FGFR1: variants seen among roughly 807,000 people sequenced by gnomAD.
FGFR1 encodes the protein FGFR1/PLAG1 fusion.
FGFR1 carries 18 observed loss-of-function variants against 93.7 expected under a neutral mutation model. That is an observed-to-expected ratio of 0.19 (90% confidence interval 0.13 to 0.28). The LOEUF is 0.28. Among genes scored for constraint, FGFR1 ranks in the 10% least tolerant of loss-of-function variants. The probability of loss-of-function intolerance (pLI) is 1.00; values close to 1 mark genes in which losing one functional copy is unlikely to be tolerated. For synonymous variants in FGFR1, 448 were observed against 429.3 expected, an observed-to-expected ratio of 1.04 and a Z score of -0.54; for missense variants, 731 against 1,080.4, an observed-to-expected ratio of 0.68 and a Z score of 4.53.
intron 2 of FGFR1, among the ~76,000 whole-genome samples, chr8:38,454,863 C>T (rs536340643): frequency 6.6e-6 from 1 of 152,156 alleles, no homozygotes; most frequent in East Asian, 1.9e-4. Context: ...TCCCAGCCAT[C>T]CACACTGAGC....
At chr8:38,416,621 A>G (rs1297500191) in intron 12 of FGFR1, among the ~76,000 whole-genome samples, 1 of 151,624 alleles carries the variant, frequency 6.6e-6, no homozygotes, top group Non-Finnish European at 1.5e-5. Flanking sequence ...ACGCCCGGCT[A>G]CTTTTTGTAT....
chr8:38,466,627 T>A (rs924194804), intron 1 of FGFR1: 1 of 227,964 alleles, frequency 4.4e-6, no homozygotes, highest in Admixed American at 5.7e-5. Context: ...CAACGCCGCA[T>A]CTCCAAGTCT....
chr8:38,428,277 G>C, intron 4 of FGFR1, 69 bp downstream of exon 4: 1 of 1,538,232 alleles, frequency 6.5e-7, no homozygotes, highest in South Asian at 1.1e-5. Flanking sequence ...TCCCCTTTCA[G>C]CCTTCCCCTC....
In FGFR1 at chr8:38,412,970, G is replaced by T; in HGVS notation, c.*658C>A. On this transcript the variant is annotated 3_prime_UTR_variant, in exon 18 of 18. Transcript: ENST00000447712. The stretch of plus-strand genomic sequence containing the variant: ...AAAAAGACATGTAAATATATACTCA[G>T]ATTTATACACTTTGTGTTTTCTTCA... 4.3e-6 allele frequency: 1 copy of T among 233,592 alleles called. No homozygotes were observed. The allele number at this position is 233,592 out of a possible 1,614,324, so 14.5% of individuals were successfully genotyped here. A position where few individuals can be genotyped will look rare whatever the true frequency, so the allele number is the denominator to read the frequency against.
chr8:38,451,152 G>A (rs1262054855), intron 2 of FGFR1, among the ~76,000 whole-genome samples: 5 of 152,124 alleles, frequency 3.3e-5, no homozygotes, highest in Admixed American at 2.6e-4. Flanking sequence ...AATTCCATTC[G>A]CCTTCTGGCA....
chr8:38,432,392 G>A (rs1036294958), intron 2 of FGFR1, among the ~76,000 whole-genome samples: 4 of 151,782 alleles, frequency 2.6e-5, no homozygotes, highest in Non-Finnish European at 5.9e-5. Flanking sequence ...TCCCTTTACC[G>A]GAACCATCTC....
At chr8:38,448,903 C>T (rs1202727513) in intron 2 of FGFR1, among the ~76,000 whole-genome samples, 1 of 152,060 alleles carries the variant, frequency 6.6e-6, no homozygotes. Context: ...TGCAGTGAGC[C>T]GAGATCGCGC....
intron 9 of FGFR1, among the ~76,000 whole-genome samples, chr8:38,419,295 A>G (rs1405020748): frequency 2.0e-5 from 3 of 152,098 alleles, no homozygotes; most frequent in African/African-American, 7.2e-5. Context: ...CTTCCTCCCA[A>G]TCCATGTCCC....
At chr8:38,461,065 C>T (rs1198477492) in intron 1 of FGFR1, 1 of 1,535,842 alleles carries the variant, frequency 6.5e-7, no homozygotes, top group African/African-American at 1.4e-5. Context: ...ATCTCAGTTT[C>T]CCACTCATCA....
chr8:38,462,745 A>T (rs1834689069), intron 1 of FGFR1, among the ~76,000 whole-genome samples: 1 of 151,766 alleles, frequency 6.6e-6, no homozygotes, highest in Non-Finnish European at 1.5e-5. Flanking sequence ...CTGGGATTAC[A>T]GACATGAGCC....
At position 38,414,797 on chromosome 8, in the gene FGFR1, G is replaced by A. The variant is rs1815774344; in HGVS notation, c.1959C>T (p.Tyr653=). ...CACTCACGTTGGTTGTCTTTTTATA[G>A]TAGTCGATGTGGTGAATGTCCCGTG... ...GLARDIHHID[Y]YKKTTNGRLP... is the part of the protein sequence containing the mutation. The change falls in exon 14 of 18, where the codon TAC becomes TAT. Residue 653 remains tyrosine (Y), a synonymous_variant. Coordinates refer to ENST00000447712, the MANE Select transcript of FGFR1 (RefSeq NM_023110.3). The A allele has an allele frequency of 6.2e-7, 1 of 1,614,050 alleles. No individual in the cohort carries two copies. The highest frequency in any genetic ancestry group is 2.2e-5 in the East Asian group (1 of 44,860).
intron 2 of FGFR1, among the ~76,000 whole-genome samples, chr8:38,439,663 A>G (rs1242441424): frequency 6.6e-6 from 1 of 152,058 alleles, no homozygotes; most frequent in Non-Finnish European, 1.5e-5. Context: ...TCCCCAGTGG[A>G]GCCAATATCC....
chr8:38,462,288 G>A (rs911737613), intron 1 of FGFR1, among the ~76,000 whole-genome samples: 5 of 152,036 alleles, frequency 3.3e-5, no homozygotes, highest in South Asian at 2.1e-4. Flanking sequence ...GGCAAATCAC[G>A]AGGTCAAGAG....
Position 38,468,257 on chromosome 8 carries a change from C to A in FGFR1, c.-365G>T, listed in dbSNP as rs1443671007. On this transcript the variant is annotated 5_prime_UTR_variant, in exon 1 of 18. Transcript: ENST00000447712. Reference sequence around the variant, plus strand: ...CCGGGGTCTCCAGACCTTGTGCCCCCCTCCTCCAGAACGCAGCGGCGGCGC... The same window carrying A: ...CCGGGGTCTCCAGACCTTGTGCCCCACTCCTCCAGAACGCAGCGGCGGCGC... 4.4e-6 allele frequency: 1 copy of A among 228,626 alleles called. No individual in the cohort carries two copies. The highest frequency in any genetic ancestry group is 2.2e-5 in the African/African-American group (1 of 45,118). 14.2% of individuals were successfully genotyped at this position (228,626 alleles called of 1,614,324 possible). A position where few individuals can be genotyped will look rare whatever the true frequency, so the allele number is the denominator to read the frequency against.
At chr8:38,466,578 C>T (rs916732251) in intron 1 of FGFR1, 1 of 230,572 alleles carries the variant, frequency 4.3e-6, no homozygotes, top group African/African-American at 2.2e-5. Flanking sequence ...TCTTAAATAA[C>T]TCGGGATCCA....
At chr8:38,458,802 C>T (rs1372616669) in intron 1 of FGFR1, 2 of 221,172 alleles carry the variant, frequency 9.0e-6, no homozygotes, top group African/African-American at 2.2e-5. Context: ...CATAGTTCTA[C>T]CAGCCTCCCT....
rs1012585232 is a variant in FGFR1, at chr8:38,468,439, CTCGCGGCCGGGGAAGGCGAGG to C, written c.-568_-548del. 7.9e-5 allele frequency: 18 copies of C among 228,456 alleles called. No homozygotes were observed. The highest frequency in any genetic ancestry group is 3.8e-4 in the African/African-American group (17 of 44,976). The allele number at this position is 228,456 out of a possible 1,614,324, so 14.2% of individuals were successfully genotyped here. A position where few individuals can be genotyped will look rare whatever the true frequency, so the allele number is the denominator to read the frequency against. ...CCGCGGCTTTTCAAGCAGCGGCGCG[CTCGCGGCCGGGGAAGGCGAGG>C]TCGCCGCAATGCGCTACGAGGGGTC... On this transcript the variant is annotated 5_prime_UTR_variant, in exon 1 of 18. Transcript: ENST00000447712.
In FGFR1 at chr8:38,426,351, G is replaced by A. The variant is rs1820750393; in HGVS notation, c.622-106C>T. The A allele has an allele frequency of 6.6e-7, 1 of 1,518,452 alleles. No individual in the cohort carries two copies. Among genetic ancestry groups the A allele is most frequent in the Non-Finnish European group, 9.0e-7 (1 of 1,105,814 alleles). 94.1% of individuals were successfully genotyped at this position (1,518,452 alleles called of 1,614,324 possible). A position where few individuals can be genotyped will look rare whatever the true frequency, so the allele number is the denominator to read the frequency against. On this transcript the variant is annotated intron_variant, in intron 5 of 17. Coordinates refer to ENST00000447712, the MANE Select transcript of FGFR1 (RefSeq NM_023110.3). The surrounding 1 kb of genome is among the most constrained non-coding windows in gnomAD (Gnocchi z 4.1). ...CCTGCCCTCCATATCAGAGCCTGGT[G>A]GCACAGGGCCCCAGGCTGCAGGGTT...
intron 2 of FGFR1, among the ~76,000 whole-genome samples, chr8:38,448,491 T>G (rs567567451): frequency 1.1e-4 from 17 of 152,266 alleles, no homozygotes; most frequent in Non-Finnish European, 2.5e-4. Context: ...GGCTGGCCAG[T>G]GCTGGGATTA....
Sources: gnomAD v4.1 joint callset for allele counts (sites outside exome capture counted in the v4.1 genomes callset) on GRCh38, gnomAD v4.1.1 for gene constraint, Gnocchi (gnomAD v3.1) non-coding constraint, MANE v1.5 for transcripts, NCBI Gene and HGNC (gene_info 2026-07-23, HGNC 2026-07-21) for gene names.